MFNG: variants seen among roughly 807,000 people sequenced by gnomAD.
MFNG encodes beta-1,3-N-acetylglucosaminyltransferase manic fringe.
Under a neutral mutation model 34.2 loss-of-function variants are expected in MFNG, and 24 were observed. The observed-to-expected ratio is 0.70, with a 90% confidence interval of 0.51 to 0.99. The LOEUF is 0.99. MFNG is among the 50% of genes least tolerant of loss of function. MFNG has a pLI of 0.00. For missense variants in MFNG, 383 were observed against 424.0 expected, an observed-to-expected ratio of 0.90 and a Z score of 0.85; for synonymous variants, 158 against 179.2, an observed-to-expected ratio of 0.88 and a Z score of 0.94.
intron 3 of MFNG, among the ~76,000 whole-genome samples, chr22:37,479,855 T>A (rs1922211399): frequency 6.6e-6 from 1 of 152,088 alleles, no homozygotes; most frequent in African/African-American, 2.4e-5. Flanking sequence ...ATTACAAAAG[T>A]TAGCCAGGCA....
intron 4 of MFNG, among the ~76,000 whole-genome samples, chr22:37,478,476 A>T (rs917868822): frequency 1.3e-5 from 2 of 152,234 alleles, no homozygotes; most frequent in African/African-American, 4.8e-5. Context: ...TTGTTTAATG[A>T]ATCTGGCAAC....
rs1922259093 is a variant in MFNG, at chr22:37,480,767, T to C, written c.258A>G (p.Thr86=). ...TGTCTGGGCTGTCGGTGAAGACAAA[T>C]GTCTAGGAAGGAGAAGAAGGGGTCA... The part of the protein sequence containing the change: ...DTWVSRTREQ[T]FVFTDSPDKG... The change falls in exon 2 of 8, where the codon ACA becomes ACG. Residue 86 remains threonine (T), a splice_region_variant and synonymous_variant. Transcript: ENST00000356998. The C allele has an allele frequency of 5.6e-6, 9 of 1,613,268 alleles. No individual in the cohort carries two copies. Among genetic ancestry groups the C allele is most frequent in the Non-Finnish European group, 7.6e-6 (9 of 1,179,726 alleles).
intron 1 of MFNG, chr22:37,484,395 G>A (rs1200801908): frequency 7.6e-6 from 1 of 131,060 alleles, no homozygotes; most frequent in Non-Finnish European, 1.7e-5. Flanking sequence ...TGAGCCAAAG[G>A]GTGAGAGACG....
intron 1 of MFNG, among the ~76,000 whole-genome samples, chr22:37,484,905 G>A (rs1342411847): frequency 6.6e-6 from 1 of 152,158 alleles, no homozygotes; most frequent in East Asian, 1.9e-4. Flanking sequence ...TCTTCCAGGA[G>A]GTCTCGACTA....
Position 37,474,658 on chromosome 22 carries a change from T to C in MFNG, c.667A>G (p.Thr223Ala). Residue 223 changes from threonine to alanine, a missense_variant, in exon 6 of 8, where the codon ACA becomes GCA. Transcript: ENST00000356998. ...PWASGSRFMD[T>A]SALIRLPDDC... The stretch of plus-strand genomic sequence containing the variant: ...TCAGGCAGCCGGATGAGAGCAGATG[T>C]GTCCATGAAACGGGAGCCACTGAGG... 3.7e-6 allele frequency: 6 copies of C among 1,605,950 alleles called. No individual in the cohort carries two copies. Among genetic ancestry groups the C allele is most frequent in the Non-Finnish European group, 4.3e-6 (5 of 1,175,134 alleles).
At position 37,469,924 on chromosome 22, in the gene MFNG, C is replaced by A; in HGVS notation, c.*39G>T. ...GCCACCTTGGGAGCCAAGGCACACC[C>A]AGAAGTCTCTGCCCAACCTTTGCCC... On this transcript the variant is annotated 3_prime_UTR_variant, in exon 8 of 8. Coordinates refer to ENST00000356998, the MANE Select transcript of MFNG (RefSeq NM_002405.4). 2 of 1,535,704 alleles carry A rather than the reference C, an allele frequency of 1.3e-6. No individual in the cohort carries two copies. The highest frequency in any genetic ancestry group is 1.8e-6 in the Non-Finnish European group (2 of 1,123,170).
chr22:37,470,310 CA>C (rs1921750982), intron 7 of MFNG, among the ~76,000 whole-genome samples: 1 of 152,130 alleles, frequency 6.6e-6, no homozygotes, highest in South Asian at 2.1e-4. Context: ...CCCTAAGAGA[CA>C]AATCACCCCC....
rs1327445454 is a variant in MFNG at position 37,480,274 on chromosome 22, G to A, written c.330C>T (p.Cys110=). ...RLGSHLVVTN[C]SAEHSHPALS... ...GAGCTGGGTGGCTGTGTTCCGCGGA[G>A]CAGTTGGTGACCACAAGGTGGGACC... The change falls in exon 3 of 8, where the codon TGC becomes TGT. Residue 110 remains cysteine (C), a synonymous_variant. Transcript: ENST00000356998. The A allele has an allele frequency of 5.0e-6, 8 of 1,613,810 alleles. No homozygotes were observed. Among genetic ancestry groups the A allele is most frequent in the Non-Finnish European group, 6.8e-6 (8 of 1,179,710 alleles).
chr22:37,485,785 G>T lies in MFNG; in HGVS notation c.255+138C>A. 1.8e-6 allele frequency: 2 copies of T among 1,105,720 alleles called. No individual in the cohort carries two copies. Among genetic ancestry groups the T allele is most frequent in the Non-Finnish European group, 1.3e-6 (1 of 789,432 alleles). The allele number at this position is 1,105,720 out of a possible 1,614,324, so 68.5% of individuals were successfully genotyped here. A position where few individuals can be genotyped will look rare whatever the true frequency, so the allele number is the denominator to read the frequency against. ...CCCTAAAGCCCGGAAGAAGGAGAGA[G>T]GAAGAGGATCCCTGATTAGGCAGGT... On this transcript the variant is annotated intron_variant, in intron 1 of 7. Coordinates refer to ENST00000356998, the MANE Select transcript of MFNG (RefSeq NM_002405.4). The surrounding 1 kb of genome is among the most constrained non-coding windows in gnomAD (Gnocchi z 5.3).
Position 37,469,679 on chromosome 22 carries a change from GC to G in MFNG, c.*283del. On this transcript the variant is annotated 3_prime_UTR_variant, in exon 8 of 8. Coordinates refer to ENST00000356998, the MANE Select transcript of MFNG (RefSeq NM_002405.4). ...CCCTGAGCCCCAGCCCAGCTCAAGT[GC>G]CCCCTGCCCTTTTTCAATTCAGCCT... The G allele has an allele frequency of 2.0e-6, 1 of 511,976 alleles. No individual in the cohort carries two copies. The highest frequency in any genetic ancestry group is 1.9e-5 in the South Asian group (1 of 52,026). The allele number at this position is 511,976 out of a possible 1,614,324, so 31.7% of individuals were successfully genotyped here. A position where few individuals can be genotyped will look rare whatever the true frequency, so the allele number is the denominator to read the frequency against.
In MFNG at chr22:37,482,299, A is replaced by G. The variant is rs1459125503; in HGVS notation, c.256-1530T>C. ...CCACTAACACCTTCCATGGCTCCCT[A>G]CTACTCTTGGGATAAAGGCCAGCCT... On this transcript the variant is annotated intron_variant, in intron 1 of 7. Coordinates refer to ENST00000356998, the MANE Select transcript of MFNG (RefSeq NM_002405.4). The surrounding 1 kb of genome is among the most constrained non-coding windows in gnomAD (Gnocchi z 4.1). Among the ~76,000 whole-genome samples the G allele has an allele frequency of 6.6e-6, 1 of 152,070 alleles. No homozygotes were observed. Among genetic ancestry groups the G allele is most frequent in the Non-Finnish European group, 1.5e-5 (1 of 68,006 alleles).
chr22:37,470,735 TG>T (rs1921769187), intron 7 of MFNG, among the ~76,000 whole-genome samples: 1 of 152,176 alleles, frequency 6.6e-6, no homozygotes, highest in Non-Finnish European at 1.5e-5. Context: ...CCAGGGGCCC[TG>T]GTTCCTCCAA....
In MFNG at chr22:37,469,694, T is replaced by A. The variant is rs1441208763; in HGVS notation, c.*269A>T. On this transcript the variant is annotated 3_prime_UTR_variant, in exon 8 of 8. Coordinates refer to ENST00000356998, the MANE Select transcript of MFNG (RefSeq NM_002405.4). ...CAGCTCAAGTGCCCCCTGCCCTTTTTCAATTCAGCCTCCTGAGGGAGTCTA... is the reference window on the plus strand; with the variant it reads ...CAGCTCAAGTGCCCCCTGCCCTTTTACAATTCAGCCTCCTGAGGGAGTCTA... The A allele has an allele frequency of 7.3e-6, 4 of 551,404 alleles. No homozygotes were observed. The highest frequency in any genetic ancestry group is 1.4e-5 in the Non-Finnish European group (4 of 294,666). The allele number at this position is 551,404 out of a possible 1,614,324, so 34.2% of individuals were successfully genotyped here.
chr22:37,480,176 C>G (rs371223688), intron 3 of MFNG, 21 bp downstream of exon 3: 2 of 1,585,998 alleles, frequency 1.3e-6, no homozygotes, highest in African/African-American at 2.7e-5. Context: ...CACTTATCCC[C>G]AGAGACCCAG....
chr22:37,480,113 G>T, intron 3 of MFNG, 84 bp downstream of exon 3: 2 of 1,066,040 alleles, frequency 1.9e-6, no homozygotes, highest in Non-Finnish European at 2.8e-6. Flanking sequence ...AGGAGTGGGG[G>T]CTGAAGTCAG....
chr22:37,475,879 T>C (rs911681255), intron 5 of MFNG, among the ~76,000 whole-genome samples: 5 of 152,338 alleles, frequency 3.3e-5, no homozygotes, highest in Admixed American at 3.3e-4. Flanking sequence ...TCTGTGGACA[T>C]GCCCCAGGAC....
In MFNG at chr22:37,485,540, C is replaced by G. The variant is rs996712836; in HGVS notation, c.255+383G>C. On this transcript the variant is annotated intron_variant, in intron 1 of 7. Coordinates refer to ENST00000356998, the MANE Select transcript of MFNG (RefSeq NM_002405.4). The surrounding 1 kb of genome is among the most constrained non-coding windows in gnomAD (Gnocchi z 5.3). ...TCAGGACCTCTTGGAGGCCTCCACC[C>G]CAGCTGCCCAACACCCACCATTACC... Among the ~76,000 whole-genome samples the G allele has an allele frequency of 6.6e-6, 1 of 152,214 alleles. No individual in the cohort carries two copies. The highest frequency in any genetic ancestry group is 1.5e-5 in the Non-Finnish European group (1 of 68,024).
chr22:37,474,578 G>A lies in MFNG; in HGVS notation c.747C>T (p.Pro249=), dbSNP rs1305631734. ...IECKLGGRLQ[P]SPLFHSHLET... ...CCAGGTGGGAGTGAAAGAGGGGGCT[G>A]GGCTGCAGGCGGCCGCCCAGCTTGC... Residue 249 remains proline, a synonymous_variant, in exon 6 of 8, where the codon CCC becomes CCT. Coordinates refer to ENST00000356998, the MANE Select transcript of MFNG (RefSeq NM_002405.4). 6.2e-7 allele frequency: 1 copy of A among 1,614,190 alleles called. No individual in the cohort carries two copies. The highest frequency in any genetic ancestry group is 8.5e-7 in the Non-Finnish European group (1 of 1,180,018).
intron 7 of MFNG, among the ~76,000 whole-genome samples, chr22:37,471,758 G>C (rs1347011079): frequency 1.3e-5 from 2 of 151,460 alleles, no homozygotes; most frequent in Admixed American, 6.6e-5. Flanking sequence ...TTGAACCCGG[G>C]GGGCGGAGGT....
Sources: allele counts gnomAD v4.1 joint callset (sites outside exome capture counted in the v4.1 genomes callset), GRCh38; gene constraint gnomAD v4.1.1; non-coding constraint Gnocchi (gnomAD v3.1); transcripts MANE v1.5; gene names NCBI Gene and HGNC (gene_info 2026-07-23, HGNC 2026-07-21).